Variants in PPIP5K2 observed in about 807,000 individuals in gnomAD.
The protein encoded by PPIP5K2 is diphosphoinositol pentakisphosphate kinase 2, also known as inositol hexakisphosphate and diphosphoinositol-pentakisphosphate kinase 2.
PPIP5K2 carries 105 observed loss-of-function variants against 154.6 expected under a neutral mutation model. The ratio of observed to expected loss-of-function variants is 0.68; its 90% CI spans 0.58 to 0.80. The LOEUF is 0.80. PPIP5K2 is among the 30% of genes least tolerant of loss of function. The probability of loss-of-function intolerance (pLI) is 0.00; values close to 1 mark genes in which losing one functional copy is unlikely to be tolerated. For synonymous variants in PPIP5K2, 480 were observed against 490.3 expected (o/e 0.98, Z 0.28); for missense variants, 992 against 1,504.6 (o/e 0.66, Z 5.64).
chr5:103,196,846 A>G lies in PPIP5K2; in HGVS notation c.3619+1821A>G, dbSNP rs147482349. Among the ~76,000 whole-genome samples, 1,026 of 152,276 alleles carry G rather than the reference A, an allele frequency of 6.7e-3. 7 individuals carry two copies. Among genetic ancestry groups the G allele is most frequent in the Non-Finnish European group, 0.013 (855 of 68,014 alleles). ...TATAAAATTCTCTGAGGAAAAAAAC[A>G]TAGGGTAAGACAAATGAACAGAGTA... is the stretch of plus-strand genomic sequence containing the variant. On this transcript the variant is annotated intron_variant, in intron 30 of 30. Transcript: ENST00000358359.
rs369983173 is a variant in PPIP5K2 at position 103,136,751 on chromosome 5, G to A, written c.330G>A (p.Ala110=). ...TCTTAGGATTTCCACTGGACAAAGC[G>A]GTTGCCTATGCAAAACTCAGGAATC... ...FHSKGFPLDK[A]VAYAKLRNPF... is the part of the protein sequence containing the mutation. Residue 110 remains alanine, a synonymous_variant, in exon 4 of 31, where the codon GCG becomes GCA. Transcript: ENST00000358359. The A allele has an allele frequency of 2.1e-5, 34 of 1,612,828 alleles. No homozygotes were observed. The highest frequency in any genetic ancestry group is 4.4e-5 in the South Asian group (4 of 91,060).
chr5:103,201,067 A>G (rs1023585522), intron 30 of PPIP5K2, among the ~76,000 whole-genome samples: 2 of 152,218 alleles, frequency 1.3e-5, no homozygotes, highest in African/African-American at 2.4e-5. Flanking sequence ...TAGAAGATAC[A>G]AGAGGAAATA....
rs1381365450 is a variant in PPIP5K2, at chr5:103,126,420, G to A, written c.-284-2886G>A. Among the ~76,000 whole-genome samples, 5 of 152,230 alleles carry A rather than the reference G, an allele frequency of 3.3e-5. No homozygotes were observed. The South Asian group carries it at 6.2e-4, about 19-fold the overall frequency. Reference sequence around the variant, plus strand: ...ACATACTTTTTTTTCCCCGAAAGTTGATTTCTACTTACACACATATTTTGT... The same window carrying A: ...ACATACTTTTTTTTCCCCGAAAGTTAATTTCTACTTACACACATATTTTGT... On this transcript the variant is annotated intron_variant, in intron 1 of 30. Transcript: ENST00000358359.
At chr5:103,144,467 A>G (rs1224260087) in intron 5 of PPIP5K2, among the ~76,000 whole-genome samples, 3 of 152,196 alleles carry the variant, frequency 2.0e-5, no homozygotes, top group Non-Finnish European at 2.9e-5. Context: ...CAGAATAGCC[A>G]TAGCCAGCCT....
intron 17 of PPIP5K2, among the ~76,000 whole-genome samples, chr5:103,165,859 C>T (rs933234378): frequency 2.0e-5 from 3 of 152,040 alleles, no homozygotes. Context: ...TAGCCAGTAC[C>T]ATAGACATCT....
chr5:103,200,121 A>G (rs977868402), intron 30 of PPIP5K2, among the ~76,000 whole-genome samples: 2 of 152,230 alleles, frequency 1.3e-5, no homozygotes, highest in Non-Finnish European at 2.9e-5. Context: ...GGCTGAGCTC[A>G]GATTGTAAAA....
At chr5:103,163,092 T>C (rs1302829846) in intron 17 of PPIP5K2, among the ~76,000 whole-genome samples, 1 of 151,044 alleles carries the variant, frequency 6.6e-6, no homozygotes, top group Non-Finnish European at 1.5e-5. Context: ...AAGTGTTTTT[T>C]TTTTTTTTTT....
chr5:103,155,845 C>A, intron 13 of PPIP5K2, 64 bp from the exon 14 acceptor site: 2 of 1,009,472 alleles, frequency 2.0e-6, no homozygotes, highest in South Asian at 1.3e-5. Flanking sequence ...TAAAAGGGAG[C>A]ATGAATATGT....
At chr5:103,174,370 T>G (rs1487550848) in intron 21 of PPIP5K2, among the ~76,000 whole-genome samples, 1 of 152,066 alleles carries the variant, frequency 6.6e-6, no homozygotes, top group Non-Finnish European at 1.5e-5. Flanking sequence ...CTTAGTGGCT[T>G]AAAACAACCA....
rs369559886 is a variant in PPIP5K2 at position 103,153,332 on chromosome 5, A to G, written c.1131-516A>G. ...CCTGCAGGGTTATGTTCTGCAGTTCACACTTCAGCACACACTAGATTATAC... is the reference window on the plus strand; with the variant it reads ...CCTGCAGGGTTATGTTCTGCAGTTCGCACTTCAGCACACACTAGATTATAC... On this transcript the variant is annotated intron_variant, in intron 10 of 30. Coordinates refer to ENST00000358359, the MANE Select transcript of PPIP5K2 (RefSeq NM_001276277.3). Among the ~76,000 whole-genome samples, 136 of 151,988 alleles carry G rather than the reference A, an allele frequency of 8.9e-4. 2 individuals are homozygous for G. In the South Asian group the frequency reaches 0.027, roughly 30 times the overall value.
chr5:103,197,733 G>A (rs554993123), intron 30 of PPIP5K2, among the ~76,000 whole-genome samples: 3 of 151,016 alleles, frequency 2.0e-5, no homozygotes, highest in African/African-American at 4.9e-5. Flanking sequence ...CTGCCACCAC[G>A]CCTGGCTAAT....
rs781795023 is a variant in PPIP5K2, at chr5:103,204,694, C to T, written c.*3060C>T. 3 of 152,052 alleles carry T rather than the reference C, an allele frequency of 2.0e-5. No homozygotes were observed. Among genetic ancestry groups the T allele is most frequent in the African/African-American group, 7.2e-5 (3 of 41,382 alleles). The allele number at this position is 152,052 out of a possible 1,614,324, so 9.4% of individuals were successfully genotyped here. On this transcript the variant is annotated 3_prime_UTR_variant, in exon 31 of 31. Transcript: ENST00000358359. The stretch of plus-strand genomic sequence containing the variant: ...AAACAGGTTTCCCTCTGTACATAAT[C>T]GTAGGTACCAAAATATTACTGTGTA...
intron 9 of PPIP5K2, among the ~76,000 whole-genome samples, chr5:103,152,125 A>G (rs1184097080): frequency 2.0e-5 from 3 of 151,980 alleles, no homozygotes; most frequent in Non-Finnish European, 2.9e-5. Context: ...AAAGATTTAC[A>G]AACTTACCCT....
At chr5:103,124,816 C>T (rs932328486) in intron 1 of PPIP5K2, among the ~76,000 whole-genome samples, 2 of 152,144 alleles carry the variant, frequency 1.3e-5, no homozygotes, top group Non-Finnish European at 2.9e-5. Context: ...ACTTACAATT[C>T]ATTTATGGTG....
chr5:103,152,842 C>T, intron 10 of PPIP5K2, 93 bp downstream of exon 10: 1 of 772,664 alleles, frequency 1.3e-6, no homozygotes, highest in Non-Finnish European at 2.1e-6. Flanking sequence ...TGATTAGACA[C>T]TTTAGTGTGT....
intron 8 of PPIP5K2, among the ~76,000 whole-genome samples, chr5:103,150,325 T>A (rs1794421468): frequency 6.6e-6 from 1 of 152,216 alleles, no homozygotes. Flanking sequence ...AAAAATCACA[T>A]TATACTAATA....
chr5:103,131,855 A>C (rs1368287742), intron 2 of PPIP5K2, among the ~76,000 whole-genome samples: 1 of 152,182 alleles, frequency 6.6e-6, no homozygotes, highest in Admixed American at 6.5e-5. Flanking sequence ...GTGCCTTAAG[A>C]ATGTAAGTTT....
intron 17 of PPIP5K2, 63 bp from the exon 18 acceptor site, chr5:103,167,116 A>G (rs903149544): frequency 1.3e-5 from 16 of 1,275,082 alleles, no homozygotes; most frequent in Middle Eastern, 2.9e-4. Context: ...TTGTATATAT[A>G]TATTGTTCTC....
chr5:103,190,189 T>G lies in PPIP5K2; in HGVS notation c.3353-653T>G, dbSNP rs1580443547. On this transcript the variant is annotated intron_variant, in intron 28 of 30. Coordinates refer to ENST00000358359, the MANE Select transcript of PPIP5K2 (RefSeq NM_001276277.3). ...AATTTTCGTATTTCTGTGCCATTGT[T>G]AAATAGGAACATATTTGTATTTGTA... Among the ~76,000 whole-genome samples the G allele has an allele frequency of 3.3e-5, 5 of 152,058 alleles. No individual in the cohort carries two copies. The East Asian group carries it at 9.6e-4, about 29-fold the overall frequency.
Sources: allele counts gnomAD v4.1 joint callset (sites outside exome capture counted in the v4.1 genomes callset), GRCh38; gene constraint gnomAD v4.1.1; transcripts MANE v1.5; gene names NCBI Gene and HGNC (gene_info 2026-07-23, HGNC 2026-07-21).